The following RAB38 variants were observed in gnomAD, a reference collection of about 807,000 sequenced individuals.
RAB38 encodes RAB38, member RAS oncogene family.
In RAB38, 15 loss-of-function variants were observed where a neutral mutation model predicts 18.4. The ratio of observed to expected loss-of-function variants is 0.82; its 90% CI spans 0.55 to 1.26. RAB38 has a LOEUF of 1.26. RAB38 is among the 50% of genes most tolerant of loss of function. The pLI, the probability that RAB38 is intolerant of heterozygous loss-of-function variation, is 0.00. For missense variants in RAB38, 294 were observed against 267.4 expected, an observed-to-expected ratio of 1.10 and a Z score of -0.69; for synonymous variants, 101 against 104.4, an observed-to-expected ratio of 0.97 and a Z score of 0.20.
At chr11:87,808,451 A>G in the RAB38 span, among the ~76,000 whole-genome samples, 1 of 152,224 alleles carries the variant, frequency 6.6e-6, no homozygotes, top group Non-Finnish European at 1.5e-5. Context: ...TTAGGAAGAC[A>G]AATACCTCAT....
the RAB38 span, among the ~76,000 whole-genome samples, chr11:88,038,938 T>C: frequency 6.6e-6 from 1 of 152,246 alleles, no homozygotes; most frequent in Non-Finnish European, 1.5e-5. Flanking sequence ...CACTATGCTA[T>C]GCTTTGTGGT....
chr11:87,931,331 G>T, the RAB38 span, among the ~76,000 whole-genome samples: 3 of 151,998 alleles, frequency 2.0e-5, no homozygotes, highest in Non-Finnish European at 4.4e-5. Context: ...TTTGTTTGAG[G>T]CCCTTTCATC....
the RAB38 span, among the ~76,000 whole-genome samples, chr11:87,813,064 C>T: frequency 6.6e-6 from 1 of 152,138 alleles, no homozygotes; most frequent in Admixed American, 6.5e-5. Flanking sequence ...TTTTTTACCA[C>T]TTCACATTAG....
intron 1 of RAB38, among the ~76,000 whole-genome samples, chr11:88,171,774 G>A (rs1943314298): frequency 6.6e-6 from 1 of 152,150 alleles, no homozygotes; most frequent in South Asian, 2.1e-4. Flanking sequence ...TTTTGAAAGG[G>A]TGAATGAGCA....
intron 2 of RAB38, among the ~76,000 whole-genome samples, chr11:88,119,792 C>T (rs191932062): frequency 5.1e-4 from 77 of 152,126 alleles, no homozygotes; most frequent in African/African-American, 1.7e-3. Flanking sequence ...CAACTGTACC[C>T]GAGACTCCAA....
chr11:88,117,355 T>G (rs540513706), intron 2 of RAB38, among the ~76,000 whole-genome samples: 8 of 152,172 alleles, frequency 5.3e-5, no homozygotes, highest in Non-Finnish European at 1.2e-4. Context: ...CAGATCTCTG[T>G]AGAGCCTTGA....
the RAB38 span, among the ~76,000 whole-genome samples, chr11:88,096,631 G>T: frequency 6.6e-6 from 1 of 151,638 alleles, no homozygotes; most frequent in East Asian, 1.9e-4. Flanking sequence ...TATATTTGAA[G>T]AAATAATTCT....
At chr11:88,162,443 T>A (rs1289190415) in intron 1 of RAB38, among the ~76,000 whole-genome samples, 1 of 148,764 alleles carries the variant, frequency 6.7e-6, no homozygotes, top group Non-Finnish European at 1.5e-5. Context: ...GAATAATTCT[T>A]AATTCTTTAC....
At chr11:87,846,872 A>G in the RAB38 span, among the ~76,000 whole-genome samples, 1 of 152,224 alleles carries the variant, frequency 6.6e-6, no homozygotes, top group East Asian at 1.9e-4. Context: ...AGAACCAAAT[A>G]GCAGTAACTA....
At chr11:87,869,073 T>C in the RAB38 span, among the ~76,000 whole-genome samples, 1 of 151,714 alleles carries the variant, frequency 6.6e-6, no homozygotes, top group Admixed American at 6.6e-5. Context: ...CCTGTTATCT[T>C]ATTCTGGTAT....
At chr11:88,029,142 G>A in the RAB38 span, among the ~76,000 whole-genome samples, 5,075 of 151,836 alleles carry the variant, frequency 0.033, 225 homozygotes, top group South Asian at 0.077. Flanking sequence ...CTTCATAAGC[G>A]AAGGAGAAAT....
At chr11:88,109,644 G>T (rs932231155), downstream of RAB38, among the ~76,000 whole-genome samples, 2 of 152,076 alleles carry the variant, frequency 1.3e-5, no homozygotes, top group Non-Finnish European at 2.9e-5. Flanking sequence ...TTAATATTCA[G>T]AATCTACAAA....
chr11:88,034,606 G>C, the RAB38 span, among the ~76,000 whole-genome samples: 1 of 152,282 alleles, frequency 6.6e-6, no homozygotes, highest in African/African-American at 2.4e-5. Flanking sequence ...TACTGATGTT[G>C]AACATATTAT....
the RAB38 span, among the ~76,000 whole-genome samples, chr11:88,099,538 G>A: frequency 1.3e-5 from 2 of 151,720 alleles, no homozygotes; most frequent in African/African-American, 4.8e-5. Flanking sequence ...TCTCCTAAGG[G>A]GAGTAAATCA....
At chr11:88,023,371 A>C in the RAB38 span, among the ~76,000 whole-genome samples, 231 of 151,700 alleles carry the variant, frequency 1.5e-3, no homozygotes, top group South Asian at 2.5e-3. Flanking sequence ...CAAAAAAAAA[A>C]CCTACAAAAC....
chr11:88,051,824 TATA>T, the RAB38 span, among the ~76,000 whole-genome samples: 1 of 152,096 alleles, frequency 6.6e-6, no homozygotes, highest in Non-Finnish European at 1.5e-5. Flanking sequence ...AGCTAAAAAA[TATA>T]ATAACTAAAT....
the RAB38 span, among the ~76,000 whole-genome samples, chr11:87,961,147 G>A: frequency 6.6e-6 from 1 of 152,042 alleles, no homozygotes; most frequent in Non-Finnish European, 1.5e-5. Context: ...AATGGCACTT[G>A]TGGCGTTGGA....
the RAB38 span, among the ~76,000 whole-genome samples, chr11:88,039,841 T>A: frequency 1.3e-5 from 2 of 152,184 alleles, no homozygotes; most frequent in East Asian, 1.9e-4. Context: ...CATCTTTAAA[T>A]GAAGGGAATG....
At chr11:87,925,511 T>C in the RAB38 span, among the ~76,000 whole-genome samples, 1 of 152,036 alleles carries the variant, frequency 6.6e-6, no homozygotes, top group Admixed American at 6.6e-5. Flanking sequence ...TCAATATTCC[T>C]AGCTTTTGGC....
Sources: allele counts gnomAD v4.1 joint callset (sites outside exome capture counted in the v4.1 genomes callset), GRCh38; gene constraint gnomAD v4.1.1; transcripts MANE v1.5; gene names NCBI Gene and HGNC (gene_info 2026-07-23, HGNC 2026-07-21).